The following RIMBP2 variants were observed in gnomAD, a reference collection of about 807,000 sequenced individuals.
RIMBP2 encodes RIMS-binding protein 2.
A neutral mutation model predicts 118.6 loss-of-function variants in RIMBP2; 48 were observed. The ratio of observed to expected loss-of-function variants is 0.40; its 90% CI spans 0.32 to 0.51. The LOEUF (loss-of-function observed/expected upper bound fraction) is 0.51. Among genes scored for constraint, RIMBP2 ranks in the 20% least tolerant of loss-of-function variants. RIMBP2 has a pLI of 0.41. For missense variants in RIMBP2, 1,551 were observed against 1,768.3 expected, an observed-to-expected ratio of 0.88 and a Z score of 2.20; for synonymous variants, 762 against 742.9, an observed-to-expected ratio of 1.03 and a Z score of -0.42.
At chr12:130,406,721 A>C (rs1195139300) in intron 20 of RIMBP2, among the ~76,000 whole-genome samples, 1 of 152,108 alleles carries the variant, frequency 6.6e-6, no homozygotes, top group Non-Finnish European at 1.5e-5. Flanking sequence ...ACCTCGGCCC[A>C]CTGCAACCTC....
At chr12:130,399,945 G>T in intron 21 of RIMBP2, 132 bp from the exon 22 acceptor site, 1 of 1,007,720 alleles carries the variant, frequency 9.9e-7, no homozygotes, top group Non-Finnish European at 1.4e-6. Flanking sequence ...GGCAGGACTT[G>T]AAAGGACTCT....
At chr12:130,473,877 G>A (rs1016360371) in intron 5 of RIMBP2, among the ~76,000 whole-genome samples, 6 of 152,168 alleles carry the variant, frequency 3.9e-5, no homozygotes, top group East Asian at 1.9e-4. Flanking sequence ...TGCATCGGGC[G>A]GTGAGCTCAG....
At chr12:130,637,388 C>T (rs954746282) in intron 1 of RIMBP2, among the ~76,000 whole-genome samples, 1 of 152,222 alleles carries the variant, frequency 6.6e-6, no homozygotes, top group African/African-American at 2.4e-5. Context: ...TGACACATTT[C>T]GAGTGAATGA....
chr12:130,479,046 C>A, intron 4 of RIMBP2, 30 bp from the exon 5 acceptor site: 1 of 1,585,130 alleles, frequency 6.3e-7, no homozygotes, highest in South Asian at 1.1e-5. Flanking sequence ...CCTGGCTGAG[C>A]AGGGCAGCCT....
chr12:130,462,099 C>T (rs1345980443), intron 6 of RIMBP2, among the ~76,000 whole-genome samples: 1 of 152,234 alleles, frequency 6.6e-6, no homozygotes, highest in African/African-American at 2.4e-5. Context: ...GGTGACACTC[C>T]CGCATCAGCA....
Position 130,550,523 on chromosome 12 carries a change from G to A in RIMBP2, c.-216-32606C>T, listed in dbSNP as rs538417222. Among the ~76,000 whole-genome samples, 29 of 152,290 alleles carry A rather than the reference G, an allele frequency of 1.9e-4. 1 individual carries two copies. In the South Asian group the frequency reaches 4.1e-3, roughly 22 times the overall value. ...GTCCAGGCTGTGGTCATGGTACCACGGTGGTGAATGATGTTTCCACTGGGG... is the reference window on the plus strand; with the variant it reads ...GTCCAGGCTGTGGTCATGGTACCACAGTGGTGAATGATGTTTCCACTGGGG... On this transcript the variant is annotated intron_variant, in intron 2 of 22. Transcript: ENST00000690449.
At chr12:130,643,192 C>T (rs183103675) in intron 1 of RIMBP2, among the ~76,000 whole-genome samples, 8 of 152,346 alleles carry the variant, frequency 5.3e-5, no homozygotes, top group Admixed American at 2.6e-4. Context: ...CCCCCCTGCA[C>T]AGTGACATGT....
rs1412377451 is a variant in RIMBP2 at position 130,621,931 on chromosome 12, CT to C, written c.-217+6390del. ...AGGACAGCACTAATGACTCGTTTGA[CT>C]GTAACTGGCACTGAGACTTCAGTAT... On this transcript the variant is annotated intron_variant, in intron 2 of 22. Transcript: ENST00000690449. This position sits in a 1 kb window ranked among gnomAD's most constrained non-coding sequence, Gnocchi z 6.6. Among the ~76,000 whole-genome samples, 5 of 152,210 alleles carry C rather than the reference CT, an allele frequency of 3.3e-5. No individual in the cohort carries two copies. Among genetic ancestry groups the C allele is most frequent in the African/African-American group, 7.2e-5 (3 of 41,440 alleles).
In RIMBP2 at chr12:130,638,516, C is replaced by T. The variant is rs572806612; in HGVS notation, c.-351-10060G>A. 3.5e-3 allele frequency among the ~76,000 whole-genome samples: 540 copies of T among 152,242 alleles called. 4 individuals are homozygous for T. Among genetic ancestry groups the T allele is most frequent in the African/African-American group, 0.012 (501 of 41,530 alleles). ...GGTGAACAAGTGACTGCCTGAGCTCCGCCTCCTGTCAGATCATCAGGCATT... is the reference window on the plus strand; with the variant it reads ...GGTGAACAAGTGACTGCCTGAGCTCTGCCTCCTGTCAGATCATCAGGCATT... On this transcript the variant is annotated intron_variant, in intron 1 of 22. Coordinates refer to ENST00000690449, the MANE Select transcript of RIMBP2 (RefSeq NM_001393629.1).
intron 2 of RIMBP2, among the ~76,000 whole-genome samples, chr12:130,584,546 A>G (rs956917431): frequency 6.7e-6 from 1 of 148,844 alleles, no homozygotes; most frequent in Non-Finnish European, 1.5e-5. Flanking sequence ...CATCACCACC[A>G]TCACATCACC....
At chr12:130,556,537 C>A (rs576864368) in intron 2 of RIMBP2, among the ~76,000 whole-genome samples, 1 of 152,220 alleles carries the variant, frequency 6.6e-6, no homozygotes, top group Non-Finnish European at 1.5e-5. Context: ...CAGGGACGCT[C>A]GGGCACTCAG....
chr12:130,558,796 T>A (rs752750802), intron 2 of RIMBP2, among the ~76,000 whole-genome samples: 52 of 152,074 alleles, frequency 3.4e-4, no homozygotes, highest in Non-Finnish European at 6.6e-4. Context: ...AGCTTGCAAT[T>A]CTGTGTTTCT....
intron 13 of RIMBP2, 52 bp downstream of exon 13, chr12:130,436,790 C>T (rs2077550456): frequency 7.5e-7 from 1 of 1,329,744 alleles, no homozygotes; most frequent in Non-Finnish European, 9.7e-7. Context: ...AGGGCCCCGT[C>T]CCGTGGGGTT....
chr12:130,646,442 GCCA>G lies in RIMBP2; in HGVS notation c.-351-17989_-351-17987del, dbSNP rs1566423639. Among the ~76,000 whole-genome samples the G allele has an allele frequency of 9.5e-3, 44 of 4,630 alleles. 17 individuals are homozygous for G. The highest frequency in any genetic ancestry group is 0.037 in the Admixed American group (11 of 298). The allele number at this position is 4,630 out of a possible 152,430, so 3.0% of individuals were successfully genotyped here. A position where few individuals can be genotyped will look rare whatever the true frequency, so the allele number is the denominator to read the frequency against. Reference sequence around the variant, plus strand: ...CACCACTTCCCTCTCCACCTCCCTTGCCACCTCCCTCGCCACCTCCCTCGCTAC... The same window carrying G: ...CACCACTTCCCTCTCCACCTCCCTTGCCTCCCTCGCCACCTCCCTCGCTAC... On this transcript the variant is annotated intron_variant, in intron 1 of 22. Transcript: ENST00000690449.
chr12:130,685,080 A>C (rs1168987884), intron 1 of RIMBP2, among the ~76,000 whole-genome samples: 1 of 152,204 alleles, frequency 6.6e-6, no homozygotes, highest in Non-Finnish European at 1.5e-5. Context: ...TTCTCTTGAA[A>C]AATAAGGAGC....
rs2076132450 is a variant in RIMBP2 at position 130,416,899 on chromosome 12, A to G, written c.3239-2593T>C. Among the ~76,000 whole-genome samples the G allele has an allele frequency of 3.3e-5, 5 of 152,184 alleles. No homozygotes were observed. The South Asian group carries it at 1.0e-3, about 31-fold the overall frequency. ...ATGACTCCATTAAAAAGAGCAAAGG[A>G]CATGAATAGACTTCTCAAAAGATCA... is the stretch of plus-strand genomic sequence containing the variant. On this transcript the variant is annotated intron_variant, in intron 17 of 22. Transcript: ENST00000690449.
chr12:130,650,973 A>AGAAAAG (rs1555318468), intron 1 of RIMBP2, among the ~76,000 whole-genome samples: 12 of 143,216 alleles, frequency 8.4e-5, no homozygotes, highest in East Asian at 2.0e-4. Context: ...AAAAAAAAAA[A>AGAAAAG]AAAGAAAGAA....
Position 130,501,951 on chromosome 12 carries a change from C to G in RIMBP2, c.-4+4697G>C, listed in dbSNP as rs143814299. Among the ~76,000 whole-genome samples the G allele has an allele frequency of 7.7e-3, 1,173 of 152,350 alleles. 20 individuals carry two copies. Among genetic ancestry groups the G allele is most frequent in the African/African-American group, 0.026 (1,100 of 41,586 alleles). On this transcript the variant is annotated intron_variant, in intron 4 of 22. Transcript: ENST00000690449. Reference sequence around the variant, plus strand: ...GACAGAGTCAGCTTCCCCATCCCCTCAAACCAGGCAGACTCTGAGCCTTGC... The same window carrying G: ...GACAGAGTCAGCTTCCCCATCCCCTGAAACCAGGCAGACTCTGAGCCTTGC...
chr12:130,706,175 C>A (rs1000239404), intron 1 of RIMBP2, among the ~76,000 whole-genome samples: 20 of 152,194 alleles, frequency 1.3e-4, no homozygotes, highest in African/African-American at 4.3e-4. Context: ...ATGCTCTGTG[C>A]CATTGAAGTC....
Sources: gnomAD v4.1 joint callset for allele counts (sites outside exome capture counted in the v4.1 genomes callset) on GRCh38, gnomAD v4.1.1 for gene constraint, Gnocchi (gnomAD v3.1) non-coding constraint, MANE v1.5 for transcripts, NCBI Gene and HGNC (gene_info 2026-07-23, HGNC 2026-07-21) for gene names.